C10orf90: variants seen among roughly 807,000 people sequenced by gnomAD.
C10orf90 encodes chromosome 10 open reading frame 90.
Under a neutral mutation model 62.5 loss-of-function variants are expected in C10orf90, and 56 were observed. The observed-to-expected ratio is 0.90, with a 90% CI of 0.72 to 1.12. The LOEUF (loss-of-function observed/expected upper bound fraction) is 1.12, where lower values mean the gene tolerates loss of function less well. C10orf90 is among the 50% of genes most tolerant of loss of function. The pLI, the probability that C10orf90 is intolerant of heterozygous loss-of-function variation, is 0.00. For missense variants in C10orf90, 970 were observed against 880.4 expected (o/e 1.10, Z -1.29); for synonymous variants, 386 against 340.4 (o/e 1.13, Z -1.47).
intron 2 of C10orf90, among the ~76,000 whole-genome samples, chr10:126,591,882 C>T (rs767883242): frequency 4.6e-5 from 7 of 152,108 alleles, no homozygotes; most frequent in African/African-American, 1.4e-4. Context: ...GCAAAAACCA[C>T]TAGCATTCCT....
At chr10:126,533,047 C>T (rs931607737) in intron 2 of C10orf90, among the ~76,000 whole-genome samples, 5 of 151,112 alleles carry the variant, frequency 3.3e-5, no homozygotes, top group African/African-American at 7.3e-5. Flanking sequence ...ATTCTCCTGC[C>T]TCAGCCTCCG....
chr10:126,527,173 C>A (rs1863975024), intron 2 of C10orf90, among the ~76,000 whole-genome samples: 1 of 152,158 alleles, frequency 6.6e-6, no homozygotes, highest in South Asian at 2.1e-4. Context: ...TTTTGCATTC[C>A]CACCAGCGAT....
intron 2 of C10orf90, among the ~76,000 whole-genome samples, chr10:126,620,096 T>G (rs1464772982): frequency 6.6e-6 from 1 of 152,170 alleles, no homozygotes; most frequent in African/African-American, 2.4e-5. Flanking sequence ...CATGGTGTCT[T>G]TTATGAGCAA....
At chr10:126,663,786 A>G (rs1428934646) in intron 1 of C10orf90, among the ~76,000 whole-genome samples, 1 of 152,150 alleles carries the variant, frequency 6.6e-6, no homozygotes, top group African/African-American at 2.4e-5. Context: ...ACCACCAAGT[A>G]CCCTATTTAA....
chr10:126,474,844 T>C (rs1055012705), intron 4 of C10orf90, among the ~76,000 whole-genome samples: 3 of 152,230 alleles, frequency 2.0e-5, no homozygotes, highest in African/African-American at 7.2e-5. Flanking sequence ...CTGATGGGGC[T>C]TACAAGATGG....
chr10:126,504,525 G>A lies in C10orf90; in HGVS notation c.966C>T (p.Thr322=), dbSNP rs749507543. The A allele has an allele frequency of 6.2e-7, 1 of 1,614,102 alleles. No homozygotes were observed. Among genetic ancestry groups the A allele is most frequent in the African/African-American group, 1.3e-5 (1 of 74,926 alleles). Residue 322 remains threonine, a synonymous_variant, in exon 4 of 10, where the codon ACC becomes ACT. Transcript: ENST00000488181. The surrounding 1 kb of genome is among the most constrained non-coding windows in gnomAD (Gnocchi z 4.1). ...AACTGGTCTCTTTGTCGTCTGCATGGGTGACCCAGTACTTGCGTCTCTCAC... is the reference window on the plus strand; with the variant it reads ...AACTGGTCTCTTTGTCGTCTGCATGAGTGACCCAGTACTTGCGTCTCTCAC... ...GLCERRKYWV[T]HADDKETSFS... is the part of the protein sequence containing the mutation.
In C10orf90 at chr10:126,432,452, A is replaced by AT. The variant is rs572544064; in HGVS notation, c.2189-2603dup. Reference sequence around the variant, plus strand: ...ACCGTCCCTTCATGAGATTTCATTTATTTTGGGAGAAGCTGGACAAGTCAA... The same window carrying AT: ...ACCGTCCCTTCATGAGATTTCATTTATTTTTGGGAGAAGCTGGACAAGTCAA... On this transcript the variant is annotated intron_variant, in intron 7 of 9. Coordinates refer to ENST00000488181, the MANE Select transcript of C10orf90 (RefSeq NM_001350921.2). Among the ~76,000 whole-genome samples, 19 of 152,346 alleles carry AT rather than the reference A, an allele frequency of 1.2e-4. No individual in the cohort carries two copies. In the East Asian group the frequency reaches 2.7e-3, roughly 22 times the overall value.
At chr10:126,585,312 G>A in intron 2 of C10orf90, among the ~76,000 whole-genome samples, 1 of 117,428 alleles carries the variant, frequency 8.5e-6, no homozygotes, top group South Asian at 2.8e-4. Context: ...AGCAGAGGGA[G>A]GAAGGGGAGG....
intron 2 of C10orf90, among the ~76,000 whole-genome samples, chr10:126,552,488 T>C (rs920577189): frequency 1.3e-5 from 2 of 152,208 alleles, no homozygotes; most frequent in African/African-American, 4.8e-5. Flanking sequence ...AGAGTCCTCC[T>C]GCCAAACAGA....
intron 5 of C10orf90, among the ~76,000 whole-genome samples, chr10:126,464,404 C>T (rs1408949457): frequency 6.6e-6 from 1 of 152,192 alleles, no homozygotes; most frequent in Non-Finnish European, 1.5e-5. Context: ...CCTTCCTTAG[C>T]TGAGCCTGAG....
intron 8 of C10orf90, among the ~76,000 whole-genome samples, chr10:126,427,496 G>A (rs1012041716): frequency 6.6e-6 from 1 of 152,178 alleles, no homozygotes; most frequent in Non-Finnish European, 1.5e-5. Flanking sequence ...TTCAGTTGGT[G>A]CACTGGAAGA....
intron 2 of C10orf90, among the ~76,000 whole-genome samples, chr10:126,586,675 G>A (rs950972608): frequency 6.6e-6 from 1 of 152,114 alleles, no homozygotes; most frequent in African/African-American, 2.4e-5. Context: ...AAGAAGTGCC[G>A]GACTTGGAGG....
chr10:126,493,982 C>G (rs138096104), intron 4 of C10orf90, among the ~76,000 whole-genome samples: 299 of 152,306 alleles, frequency 2.0e-3, no homozygotes, highest in African/African-American at 7.0e-3. Flanking sequence ...CTGTTCACAG[C>G]TTTTTTGGCT....
intron 4 of C10orf90, among the ~76,000 whole-genome samples, chr10:126,476,609 C>T (rs1320297354): frequency 2.0e-5 from 3 of 152,194 alleles, no homozygotes; most frequent in Non-Finnish European, 2.9e-5. Context: ...CCCCAAATGA[C>T]GACCATTTCT....
At chr10:126,475,485 C>A (rs1482324863) in intron 4 of C10orf90, among the ~76,000 whole-genome samples, 1 of 152,222 alleles carries the variant, frequency 6.6e-6, no homozygotes, top group African/African-American at 2.4e-5. Context: ...CCACAGCCTC[C>A]TGCTCAGGAC....
At chr10:126,658,783 A>C (rs968136897) in intron 1 of C10orf90, among the ~76,000 whole-genome samples, 9 of 151,712 alleles carry the variant, frequency 5.9e-5, no homozygotes, top group African/African-American at 2.2e-4. Flanking sequence ...GATTGATTGA[A>C]ATGGGGTCTC....
chr10:126,555,678 C>CAATAAATAAATA (rs1864750102), intron 2 of C10orf90, among the ~76,000 whole-genome samples: 1 of 63,516 alleles, frequency 1.6e-5, no homozygotes, highest in East Asian at 5.7e-4. Flanking sequence ...GACTCTATCT[C>CAATAAATAAATA]AGTAAATAAA....
chr10:126,631,036 G>A (rs1251012944), intron 2 of C10orf90, among the ~76,000 whole-genome samples: 4 of 152,194 alleles, frequency 2.6e-5, no homozygotes, highest in Non-Finnish European at 2.9e-5. Flanking sequence ...AGGGGCCACA[G>A]CAGTTTTGTA....
chr10:126,545,302 C>T (rs1383944286), intron 2 of C10orf90, among the ~76,000 whole-genome samples: 1 of 152,148 alleles, frequency 6.6e-6, no homozygotes, highest in Non-Finnish European at 1.5e-5. Context: ...GTACAAGCCA[C>T]GACTGGTTTT....
Sources: gnomAD v4.1 joint callset for allele counts (sites outside exome capture counted in the v4.1 genomes callset) on GRCh38, gnomAD v4.1.1 for gene constraint, Gnocchi (gnomAD v3.1) non-coding constraint, MANE v1.5 for transcripts, NCBI Gene and HGNC (gene_info 2026-07-23, HGNC 2026-07-21) for gene names.